Variants in VPS13C observed in about 807,000 individuals in gnomAD.
VPS13C encodes the protein intermembrane lipid transfer protein VPS13C.
In VPS13C, 358 loss-of-function variants were observed where a neutral mutation model predicts 456.8. The observed-to-expected ratio is 0.78, with a 90% confidence interval of 0.72 to 0.86. The LOEUF is 0.86. Among genes scored for constraint, VPS13C ranks in the 40% least tolerant of loss-of-function variants. VPS13C has a pLI of 0.00. For missense variants in VPS13C, 4,818 were observed against 4,385.4 expected, an observed-to-expected ratio of 1.10 and a Z score of -2.79; for synonymous variants, 1,578 against 1,486.7, an observed-to-expected ratio of 1.06 and a Z score of -1.41.
chr15:62,015,976 A>C (rs1041375831), intron 9 of VPS13C, among the ~76,000 whole-genome samples: 32 of 147,936 alleles, frequency 2.2e-4, no homozygotes, highest in African/African-American at 5.9e-4. Context: ...AAAAAAAAAA[A>C]AAAAAAAACT....
chr15:61,919,806 A>G (rs74347726), intron 57 of VPS13C, among the ~76,000 whole-genome samples: 10,095 of 147,642 alleles, frequency 0.068, 583 homozygotes, highest in East Asian at 0.21. Flanking sequence ...AAAACACATT[A>G]TATATATAAT....
chr15:61,854,906 G>C lies in VPS13C; in HGVS notation c.11125C>G (p.Arg3709Gly). ...KKDSANQGCV[R>G]KVYLKDTATA... The stretch of plus-strand genomic sequence containing the variant: ...GCGGTGTCCTTCAGGTAAACTTTTC[G>C]AACACAGCCTTGATTGGCACTGTCT... The change falls in exon 84 of 85, where the codon CGA becomes GGA. Residue 3709 changes from arginine (R) to glycine (G), a missense_variant. Arg to Gly is a moderately radical substitution (Grantham distance 125). This residue lies in a region of VPS13C where 261 missense variants were observed against 234.1 expected (regional missense o/e 1.11). Transcript: ENST00000644861. The C allele has an allele frequency of 6.2e-7, 1 of 1,613,260 alleles. No homozygotes were observed. The highest frequency in any genetic ancestry group is 8.5e-7 in the Non-Finnish European group (1 of 1,179,704).
chr15:62,022,932 A>G lies in VPS13C; in HGVS notation c.624+479T>C, dbSNP rs1198077565. On this transcript the variant is annotated intron_variant, in intron 8 of 84. Transcript: ENST00000644861. ...GAAGTTTGGTTTCTTCTGTGCAACT[A>G]CTGTTGCACATGTGTGTGAATAATT... Among the ~76,000 whole-genome samples the G allele has an allele frequency of 3.3e-5, 5 of 151,908 alleles. No homozygotes were observed. The South Asian group carries it at 8.3e-4, about 25-fold the overall frequency.
chr15:62,015,105 A>G (rs1231356100), intron 9 of VPS13C, among the ~76,000 whole-genome samples: 1 of 152,176 alleles, frequency 6.6e-6, no homozygotes, highest in African/African-American at 2.4e-5. Context: ...ATTGTCTGCT[A>G]GAAGCTCAAA....
At chr15:61,895,806 G>T (rs1275336451) in intron 66 of VPS13C, among the ~76,000 whole-genome samples, 1 of 152,178 alleles carries the variant, frequency 6.6e-6, no homozygotes, top group South Asian at 2.1e-4. Flanking sequence ...GGCTGGGAAG[G>T]ATAGGAAGAA....
intron 68 of VPS13C, 35 bp from the exon 69 acceptor site, chr15:61,882,771 A>G (rs941327400): frequency 1.3e-6 from 2 of 1,537,024 alleles, no homozygotes; most frequent in Admixed American, 4.2e-5. Flanking sequence ...TGATGAGCTG[A>G]TATTAGCACA....
chr15:61,929,549 G>C lies in VPS13C; in HGVS notation c.6238C>G (p.Gln2080Glu). 1 of 1,613,930 alleles carries C rather than the reference G, an allele frequency of 6.2e-7. No homozygotes were observed. Among genetic ancestry groups the C allele is most frequent in the South Asian group, 1.1e-5 (1 of 91,070 alleles). Reference sequence around the variant, plus strand: ...GTGGCAGTCTGTCTTGGTAAAATCTGTGTTTCTTTTGCCACATTTTCTGGA... The same window carrying C: ...GTGGCAGTCTGTCTTGGTAAAATCTCTGTTTCTTTTGCCACATTTTCTGGA... Reference protein sequence around the residue: ...QSPENVAKETQILPRQTATGK... With the variant: ...QSPENVAKETEILPRQTATGK... The change falls in exon 51 of 85, where the codon CAG (glutamine) becomes GAG (glutamate). Residue 2080 changes from glutamine to glutamate, a missense_variant. Transcript: ENST00000644861.
At chr15:61,991,131 C>T (rs1410340338) in intron 17 of VPS13C, 37 bp from the exon 18 acceptor site, 3 of 1,447,888 alleles carry the variant, frequency 2.1e-6, no homozygotes, top group Non-Finnish European at 2.9e-6. Flanking sequence ...TTAATTGCTT[C>T]CATTTTACAA....
intron 15 of VPS13C, among the ~76,000 whole-genome samples, chr15:62,001,516 CTTTTT>C (rs556179507): frequency 6.6e-6 from 1 of 150,966 alleles, no homozygotes; most frequent in African/African-American, 2.4e-5. Context: ...TTCGTATTTA[CTTTTT>C]TTTTATTATT....
In VPS13C at chr15:61,937,093, GTTCCTTC is replaced by G. The variant is rs141759675; in HGVS notation, c.5602-350_5602-344del. ...CTCTCTCTCATCTCAACCAGTACCAGTTCCTTCTTCTATATTATTTACTCTCCTTGAA... is the reference window on the plus strand; with the variant it reads ...CTCTCTCTCATCTCAACCAGTACCAGTTCTATATTATTTACTCTCCTTGAA... On this transcript the variant is annotated intron_variant, in intron 47 of 84. Transcript: ENST00000644861. Among the ~76,000 whole-genome samples the G allele has an allele frequency of 4.8e-3, 735 of 152,086 alleles. 7 individuals carry two copies. Among genetic ancestry groups the G allele is most frequent in the African/African-American group, 0.017 (708 of 41,494 alleles).
intron 19 of VPS13C, among the ~76,000 whole-genome samples, chr15:61,984,308 T>C (rs575092385): frequency 1.3e-5 from 2 of 152,298 alleles, no homozygotes; most frequent in Admixed American, 6.5e-5. Flanking sequence ...TCACACGACA[T>C]GGATGAACTC....
chr15:61,890,872 C>T (rs1325739509), intron 66 of VPS13C, among the ~76,000 whole-genome samples: 1 of 152,102 alleles, frequency 6.6e-6, no homozygotes, highest in Admixed American at 6.5e-5. Context: ...CATGGTGAAA[C>T]CCCGTCTCCA....
intron 66 of VPS13C, among the ~76,000 whole-genome samples, chr15:61,895,728 C>T (rs180888041): frequency 6.6e-6 from 1 of 152,250 alleles, no homozygotes; most frequent in Admixed American, 6.5e-5. Flanking sequence ...TGCACATTCT[C>T]ACTCATATGT....
intron 22 of VPS13C, 28 bp from the exon 23 acceptor site, chr15:61,978,777 T>A: frequency 1.3e-6 from 2 of 1,571,168 alleles, no homozygotes; most frequent in Non-Finnish European, 1.7e-6. Context: ...TTTCAATTTT[T>A]TTTTCCAAAA....
intron 75 of VPS13C, 64 bp from the exon 76 acceptor site, chr15:61,875,909 T>C (rs1895388494): frequency 8.8e-7 from 1 of 1,131,274 alleles, no homozygotes; most frequent in Admixed American, 2.7e-5. Flanking sequence ...CATAATGAAA[T>C]AGAAAAAAAG....
intron 60 of VPS13C, 76 bp downstream of exon 60, chr15:61,917,265 C>G: frequency 6.8e-7 from 1 of 1,478,146 alleles, no homozygotes. Flanking sequence ...ACTGACCTCA[C>G]TTAAAAATAC....
intron 6 of VPS13C, among the ~76,000 whole-genome samples, chr15:62,025,534 T>C (rs901350118): frequency 5.3e-5 from 8 of 152,058 alleles, no homozygotes; most frequent in South Asian, 2.1e-4. Flanking sequence ...TTCAAAGACA[T>C]AGACTCAGCT....
chr15:61,875,683 A>G (rs771777841), intron 76 of VPS13C, 49 bp downstream of exon 76: 4 of 1,312,876 alleles, frequency 3.0e-6, no homozygotes, highest in Non-Finnish European at 3.2e-6. Context: ...TAAAAAATAG[A>G]CCATCCATTT....
chr15:61,953,210 TCAGA>T (rs1567041741), intron 38 of VPS13C, among the ~76,000 whole-genome samples: 2 of 151,962 alleles, frequency 1.3e-5, no homozygotes, highest in African/African-American at 4.8e-5. Flanking sequence ...ATCCCTTTTC[TCAGA>T]CAATTTTTTT....
Sources: allele counts gnomAD v4.1 joint callset (sites outside exome capture counted in the v4.1 genomes callset), GRCh38; gene constraint gnomAD v4.1.1; regional missense constraint gnomAD v4.1.1; transcripts MANE v1.5; gene names NCBI Gene and HGNC (gene_info 2026-07-23, HGNC 2026-07-21).